Variants in CNTNAP2 observed in about 807,000 individuals in gnomAD.
The protein encoded by CNTNAP2 is contactin associated protein 2.
CNTNAP2 carries 98 observed loss-of-function variants against 155.2 expected under a neutral mutation model. The ratio of observed to expected loss-of-function variants is 0.63; its 90% CI spans 0.54 to 0.75. The LOEUF (loss-of-function observed/expected upper bound fraction) is 0.75. CNTNAP2 is among the 30% of genes least tolerant of loss of function. The pLI, the probability that CNTNAP2 is intolerant of heterozygous loss-of-function variation, is 0.00. For missense variants in CNTNAP2, 1,727 were observed against 1,688.1 expected (o/e 1.02, Z -0.40); for synonymous variants, 651 against 631.2 (o/e 1.03, Z -0.47).
chr7:148,100,276 T>C (rs1361967639), intron 15 of CNTNAP2, among the ~76,000 whole-genome samples: 1 of 152,142 alleles, frequency 6.6e-6, no homozygotes, highest in East Asian at 1.9e-4. Context: ...AATAAATCAA[T>C]GAACGAAACA....
At chr7:147,497,487 G>A (rs1798729303) in intron 11 of CNTNAP2, among the ~76,000 whole-genome samples, 1 of 152,190 alleles carries the variant, frequency 6.6e-6, no homozygotes, top group Admixed American at 6.5e-5. Context: ...GCCAAGTCAT[G>A]TGATCAACTT....
chr7:147,036,972 A>G (rs1799162012), intron 3 of CNTNAP2, among the ~76,000 whole-genome samples: 1 of 152,170 alleles, frequency 6.6e-6, no homozygotes, highest in Admixed American at 6.5e-5. Flanking sequence ...TATTTACTAA[A>G]TAAGATGCCC....
At chr7:147,114,884 T>G (rs1483120788) in intron 5 of CNTNAP2, among the ~76,000 whole-genome samples, 2 of 152,122 alleles carry the variant, frequency 1.3e-5, no homozygotes, top group Non-Finnish European at 2.9e-5. Flanking sequence ...CAGGCTTGTT[T>G]ATGTGATTGC....
chr7:147,190,623 C>T (rs1354852510), intron 8 of CNTNAP2, among the ~76,000 whole-genome samples: 1 of 151,954 alleles, frequency 6.6e-6, no homozygotes, highest in Non-Finnish European at 1.5e-5. Context: ...CTGGATATAC[C>T]GATGTGCATT....
rs554469440 is a variant in CNTNAP2 at position 147,260,889 on chromosome 7, T to C, written c.1349-39252T>C. Among the ~76,000 whole-genome samples, 192 of 152,176 alleles carry C rather than the reference T, an allele frequency of 1.3e-3. 1 individual carries two copies. The highest frequency in any genetic ancestry group is 2.5e-3 in the Non-Finnish European group (167 of 68,024). ...ACTTTACAACTTGCCAAAAGGTAAA[T>C]ACTTGGCACTCACTCCAGAACAACT... On this transcript the variant is annotated intron_variant, in intron 8 of 23. Transcript: ENST00000361727.
intron 18 of CNTNAP2, among the ~76,000 whole-genome samples, chr7:148,176,863 T>C (rs957958553): frequency 6.6e-6 from 1 of 152,146 alleles, no homozygotes; most frequent in Non-Finnish European, 1.5e-5. Context: ...TAACTGTGGG[T>C]CTGTCATCCC....
At chr7:147,519,475 AT>A (rs1799193410) in intron 11 of CNTNAP2, among the ~76,000 whole-genome samples, 1 of 152,246 alleles carries the variant, frequency 6.6e-6, no homozygotes, top group African/African-American at 2.4e-5. Flanking sequence ...AAAGTAATTT[AT>A]CCACAGGTTT....
In CNTNAP2 at chr7:148,090,227, C is replaced by T. The variant is rs193015742; in HGVS notation, c.2384-27891C>T. Among the ~76,000 whole-genome samples, 3 of 152,074 alleles carry T rather than the reference C, an allele frequency of 2.0e-5. No homozygotes were observed. In the East Asian group the frequency reaches 5.8e-4, roughly 29 times the overall value. On this transcript the variant is annotated intron_variant, in intron 15 of 23. Coordinates refer to ENST00000361727, the MANE Select transcript of CNTNAP2 (RefSeq NM_014141.6). The stretch of plus-strand genomic sequence containing the variant: ...TTTTTTGGCTATGACCCCAAAAGCA[C>T]AAGCAGCAAAAGCCAAAATAGACAA...
chr7:146,502,977 A>C (rs1797329088), intron 1 of CNTNAP2, among the ~76,000 whole-genome samples: 1 of 152,074 alleles, frequency 6.6e-6, no homozygotes, highest in African/African-American at 2.4e-5. Flanking sequence ...ATTTTCATAT[A>C]CTTGTTAGCT....
chr7:146,180,358 A>C (rs1798532836), intron 1 of CNTNAP2, among the ~76,000 whole-genome samples: 1 of 118,682 alleles, frequency 8.4e-6, no homozygotes, highest in African/African-American at 3.2e-5. Context: ...TTTATCCTTC[A>C]TTTTTCTTTC....
chr7:146,855,608 A>T (rs1297591190), intron 3 of CNTNAP2, among the ~76,000 whole-genome samples: 1 of 149,408 alleles, frequency 6.7e-6, no homozygotes, highest in East Asian at 1.9e-4. Context: ...ACTTTTGTTT[A>T]AGAAAGAAGA....
In CNTNAP2 at chr7:146,947,589, AT is replaced by A. The variant is rs1563016195; in HGVS notation, c.403-96317del. Among the ~76,000 whole-genome samples the A allele has an allele frequency of 2.1e-5, 3 of 140,886 alleles. No homozygotes were observed. The East Asian group carries it at 6.1e-4, about 29-fold the overall frequency. The allele number at this position is 140,886 out of a possible 152,430, so 92.4% of individuals were successfully genotyped here. On this transcript the variant is annotated intron_variant, in intron 3 of 23. Transcript: ENST00000361727. ...TATATATATATACATATATATATAT[AT>A]ATATATATGTATATATCTTTCAAAA...
chr7:147,199,260 C>G (rs993282707), intron 8 of CNTNAP2, among the ~76,000 whole-genome samples: 17 of 152,030 alleles, frequency 1.1e-4, no homozygotes, highest in African/African-American at 4.1e-4. Flanking sequence ...CCGCGCCCGG[C>G]CCTAATCAAG....
chr7:146,345,482 A>G (rs1348979224), intron 1 of CNTNAP2, among the ~76,000 whole-genome samples: 1 of 152,196 alleles, frequency 6.6e-6, no homozygotes, highest in Non-Finnish European at 1.5e-5. Flanking sequence ...GCCAAGGCAG[A>G]TAGAGCTTTT....
intron 1 of CNTNAP2, among the ~76,000 whole-genome samples, chr7:146,359,867 T>TA (rs557883287): frequency 1.1e-3 from 171 of 152,326 alleles, no homozygotes; most frequent in South Asian, 1.7e-3. Flanking sequence ...GTTGTGATGA[T>TA]ATCTCAAATA....
intron 6 of CNTNAP2, among the ~76,000 whole-genome samples, chr7:147,126,916 GA>G (rs1418978768): frequency 6.6e-6 from 1 of 152,190 alleles, no homozygotes; most frequent in East Asian, 1.9e-4. Context: ...GCACCTTGAT[GA>G]GGTGGACTTG....
intron 11 of CNTNAP2, among the ~76,000 whole-genome samples, chr7:147,499,672 G>A (rs1216566124): frequency 1.3e-5 from 2 of 152,148 alleles, no homozygotes; most frequent in Non-Finnish European, 2.9e-5. Flanking sequence ...CCAAGCATGT[G>A]GCTACCTACT....
intron 15 of CNTNAP2, among the ~76,000 whole-genome samples, chr7:148,017,535 C>G (rs925476729): frequency 6.6e-6 from 1 of 152,150 alleles, no homozygotes; most frequent in Non-Finnish European, 1.5e-5. Flanking sequence ...GGTTTATAAA[C>G]TATGAAATTT....
At chr7:146,887,576 C>T (rs1795693052) in intron 3 of CNTNAP2, among the ~76,000 whole-genome samples, 1 of 151,814 alleles carries the variant, frequency 6.6e-6, no homozygotes, top group Admixed American at 6.6e-5. Context: ...TTCACATTAC[C>T]ATTTATTTTT....
Sources: gnomAD v4.1 joint callset for allele counts (sites outside exome capture counted in the v4.1 genomes callset) on GRCh38, gnomAD v4.1.1 for gene constraint, MANE v1.5 for transcripts, NCBI Gene and HGNC (gene_info 2026-07-23, HGNC 2026-07-21) for gene names.